Variants in RARB observed in about 807,000 individuals in gnomAD.
RARB encodes HBV-activated protein.
A neutral mutation model predicts 51.9 loss-of-function variants in RARB; 17 were observed. The observed-to-expected ratio is 0.33, with a 90% CI of 0.22 to 0.49. The LOEUF (loss-of-function observed/expected upper bound fraction) is 0.49, where lower values mean the gene tolerates loss of function less well. Among genes scored for constraint, RARB ranks in the 20% least tolerant of loss-of-function variants. The probability of loss-of-function intolerance (pLI) is 0.99; values close to 1 mark genes in which losing one functional copy is unlikely to be tolerated. For synonymous variants in RARB, 215 were observed against 195.4 expected, an observed-to-expected ratio of 1.10 and a Z score of -0.84; for missense variants, 369 against 550.8, an observed-to-expected ratio of 0.67 and a Z score of 3.30.
intron 2 of RARB, among the ~76,000 whole-genome samples, chr3:24,992,900 T>C (rs1191781048): frequency 1.3e-5 from 2 of 152,214 alleles, no homozygotes; most frequent in East Asian, 1.9e-4. Context: ...GTTCAACCAA[T>C]TGCATAGATT....
intron 5 of RARB, among the ~76,000 whole-genome samples, chr3:25,386,369 G>T (rs1455542594): frequency 6.6e-6 from 1 of 152,162 alleles, no homozygotes; most frequent in East Asian, 1.9e-4. Context: ...GCATGGGAGG[G>T]CCTTGTAAGT....
At chr3:24,900,401 T>C (rs775644216) in intron 2 of RARB, among the ~76,000 whole-genome samples, 1 of 152,262 alleles carries the variant, frequency 6.6e-6, no homozygotes, top group South Asian at 2.1e-4. Flanking sequence ...CTTGGCCTTT[T>C]CCATTTTACA....
intron 3 of RARB, among the ~76,000 whole-genome samples, chr3:25,122,505 A>G (rs1471210167): frequency 6.6e-6 from 1 of 152,106 alleles, no homozygotes; most frequent in Non-Finnish European, 1.5e-5. Context: ...ACATTCTTAT[A>G]TGCAGAATGC....
chr3:24,951,437 G>T (rs1695888881), intron 2 of RARB, among the ~76,000 whole-genome samples: 2 of 152,210 alleles, frequency 1.3e-5, no homozygotes, highest in African/African-American at 4.8e-5. Flanking sequence ...CACTCCAGAG[G>T]AAGAGTGTTG....
chr3:25,186,935 G>A (rs903365799), intron 5 of RARB, among the ~76,000 whole-genome samples: 3 of 144,350 alleles, frequency 2.1e-5, no homozygotes, highest in Non-Finnish European at 4.6e-5. Context: ...GTGTGTGTGT[G>A]TGTGTTTTCC....
intron 5 of RARB, among the ~76,000 whole-genome samples, chr3:25,397,889 A>AG (rs1559384700): frequency 1.3e-5 from 2 of 151,416 alleles, no homozygotes; most frequent in African/African-American, 4.9e-5. Flanking sequence ...TTTGATTAGA[A>AG]AAAAAAAAAA....
chr3:25,281,019 A>AG (rs1703508347), intron 5 of RARB, among the ~76,000 whole-genome samples: 1 of 152,252 alleles, frequency 6.6e-6, no homozygotes, highest in African/African-American at 2.4e-5. Context: ...TGTCAAAGTC[A>AG]GCAAAAGCCA....
intron 5 of RARB, among the ~76,000 whole-genome samples, chr3:25,192,942 G>T (rs1223671344): frequency 1.3e-5 from 2 of 152,022 alleles, no homozygotes; most frequent in Non-Finnish European, 2.9e-5. Context: ...GGAACCAAGA[G>T]CCAGGCCCTC....
intron 3 of RARB, among the ~76,000 whole-genome samples, chr3:25,558,297 A>G (rs1342045610): frequency 2.0e-5 from 3 of 152,102 alleles, no homozygotes; most frequent in African/African-American, 7.2e-5. Context: ...TGTTCTCTCG[A>G]AAGTCACAAC....
intron 5 of RARB, among the ~76,000 whole-genome samples, chr3:25,177,373 G>C (rs1700776056): frequency 6.6e-6 from 1 of 152,156 alleles, no homozygotes; most frequent in Non-Finnish European, 1.5e-5. Context: ...TCAATAACTA[G>C]CAACACACAT....
intron 1 of RARB, among the ~76,000 whole-genome samples, chr3:25,454,058 C>G (rs958914753): frequency 2.0e-5 from 3 of 152,342 alleles, no homozygotes; most frequent in Non-Finnish European, 4.4e-5. Context: ...CAGATCCTCT[C>G]CTGAAAAGGC....
At chr3:24,865,488 C>A (rs1337693077) in intron 2 of RARB, among the ~76,000 whole-genome samples, 1 of 152,192 alleles carries the variant, frequency 6.6e-6, no homozygotes, top group East Asian at 1.9e-4. Flanking sequence ...AATCTAACTT[C>A]AATAACAATG....
intron 4 of RARB, among the ~76,000 whole-genome samples, chr3:25,579,884 A>G (rs1174822174): frequency 2.6e-5 from 4 of 152,216 alleles, no homozygotes; most frequent in African/African-American, 4.8e-5. Context: ...GGACATCAGC[A>G]TGACAGGTGG....
At chr3:25,360,989 G>A (rs1705915831) in intron 5 of RARB, among the ~76,000 whole-genome samples, 1 of 152,094 alleles carries the variant, frequency 6.6e-6, no homozygotes, top group African/African-American at 2.4e-5. Context: ...TGTCTTAGTG[G>A]TGTTCTCTGT....
At chr3:25,435,884 G>C (rs925814681) in intron 1 of RARB, among the ~76,000 whole-genome samples, 3 of 152,224 alleles carry the variant, frequency 2.0e-5, no homozygotes, top group African/African-American at 7.2e-5. Flanking sequence ...TTATATTACA[G>C]TAGTCGTGCC....
intron 2 of RARB, among the ~76,000 whole-genome samples, chr3:24,991,863 G>C (rs1696918857): frequency 6.6e-6 from 1 of 151,636 alleles, no homozygotes; most frequent in African/African-American, 2.4e-5. Context: ...CTGACACTTG[G>C]TACCAGTCTG....
chr3:25,267,530 T>A (rs1360870064), intron 5 of RARB, among the ~76,000 whole-genome samples: 1 of 152,244 alleles, frequency 6.6e-6, no homozygotes, highest in African/African-American at 2.4e-5. Context: ...TCTGTCTTTA[T>A]CACCTCTTGT....
At position 25,037,890 on chromosome 3, in the gene RARB, T is replaced by C. The variant is rs1407358042; in HGVS notation, c.-379-22235T>C. Among the ~76,000 whole-genome samples the C allele has an allele frequency of 2.6e-5, 4 of 152,026 alleles. 1 individual carries two copies. The South Asian group carries it at 6.2e-4, about 24-fold the overall frequency. The stretch of plus-strand genomic sequence containing the variant: ...GGAAAGATGGAAATTTGGCATAAGA[T>C]GTGAAAGGGAGAAAGAGAGAAAACC... On this transcript the variant is annotated intron_variant, in intron 2 of 11. Transcript: ENST00000383772.
chr3:25,241,703 T>A (rs1342496947), intron 5 of RARB, among the ~76,000 whole-genome samples: 2 of 152,234 alleles, frequency 1.3e-5, no homozygotes, highest in African/African-American at 4.8e-5. Context: ...ATTTTCTTTA[T>A]CCAGTCTAAC....
Sources: gnomAD v4.1 joint callset for allele counts (sites outside exome capture counted in the v4.1 genomes callset) on GRCh38, gnomAD v4.1.1 for gene constraint, MANE v1.5 for transcripts, NCBI Gene and HGNC (gene_info 2026-07-23, HGNC 2026-07-21) for gene names.